Variants in NRK observed in about 807,000 individuals in gnomAD.
The protein encoded by NRK is Nik related kinase.
NRK carries 67 observed loss-of-function variants against 125.2 expected under a neutral mutation model. The ratio of observed to expected loss-of-function variants is 0.54; its 90% confidence interval spans 0.44 to 0.66. NRK has a LOEUF of 0.66. Ranked by LOEUF, NRK falls within the 30% of genes least tolerant of loss-of-function variation. The pLI, the probability that NRK is intolerant of heterozygous loss-of-function variation, is 0.00. For missense variants in NRK, 1,224 were observed against 1,192.9 expected (o/e 1.03, Z -0.38); for synonymous variants, 458 against 429.0 (o/e 1.07, Z -0.84).
chrX:105,840,017 G>A (rs993197545), intron 2 of NRK, among the ~76,000 whole-genome samples: 15 of 111,836 alleles, frequency 1.3e-4, no homozygotes, highest in African/African-American at 3.9e-4. Flanking sequence ...AATAAATTGA[G>A]ACTCAGGGGA....
chrX:105,832,544 CAT>C (rs1377725209), intron 2 of NRK, among the ~76,000 whole-genome samples: 6 of 111,437 alleles, frequency 5.4e-5, no homozygotes, highest in Non-Finnish European at 1.1e-4. Context: ...AGGTCCTCCA[CAT>C]ATAGGTTGTA....
At chrX:105,932,276 C>T (rs1355452566) in intron 19 of NRK, among the ~76,000 whole-genome samples, 7 of 111,660 alleles carry the variant, frequency 6.3e-5, no homozygotes, top group Admixed American at 4.8e-4. Flanking sequence ...TTGTGAAAAG[C>T]GCTGCTGTGA....
At chrX:105,896,203 A>C (rs1301132916) in intron 7 of NRK, among the ~76,000 whole-genome samples, 1 of 112,140 alleles carries the variant, frequency 8.9e-6, no homozygotes, top group Admixed American at 9.5e-5. Flanking sequence ...TGTAAAATAA[A>C]TATCAATAGT....
At chrX:105,822,984 C>A in intron 1 of NRK, 82 bp downstream of exon 1, 1 of 897,753 alleles carries the variant, frequency 1.1e-6, no homozygotes, top group Non-Finnish European at 1.6e-6. Context: ...CGGACGCCCT[C>A]AAAACGGGCT....
rs2040501015 is a variant in NRK, at chrX:105,924,781, G to T, written c.3062G>T (p.Ser1021Ile). ...GAGGAAGCCTACAGAGGCTATGGAA[G>T]CCATACAGCCAATAGAAGCCATGGA... ...GKEEAYRGYG[S>I]HTANRSHGGS... The change falls in exon 19 of 29, where the codon AGC (serine) becomes ATC (isoleucine). Residue 1021 changes from serine to isoleucine, a missense_variant. Ser to Ile is a moderately radical substitution (Grantham distance 142, BLOSUM62 -2). Coordinates refer to ENST00000243300, the MANE Select transcript of NRK (RefSeq NM_198465.4). The T allele has an allele frequency of 4.1e-6, 5 of 1,206,791 alleles. No individual in the cohort carries two copies. In the South Asian group the frequency reaches 8.9e-5, roughly 21 times the overall value.
intron 1 of NRK, among the ~76,000 whole-genome samples, chrX:105,829,863 T>C (rs2039162969): frequency 9.0e-6 from 1 of 111,453 alleles, no homozygotes; most frequent in African/African-American, 3.3e-5. Flanking sequence ...TTAGTGATGG[T>C]ATTTCTTTTT....
chrX:105,929,962 T>G (rs2040574293), intron 19 of NRK, among the ~76,000 whole-genome samples: 2 of 111,821 alleles, frequency 1.8e-5, no homozygotes, highest in African/African-American at 6.5e-5. Flanking sequence ...CAATGAGGAT[T>G]TCCTTATATG....
At chrX:105,923,049 T>G in intron 17 of NRK, 69 bp from the exon 18 acceptor site, 2 of 1,017,669 alleles carry the variant, frequency 2.0e-6, no homozygotes, top group Non-Finnish European at 2.7e-6. Context: ...GTTGTCAGCT[T>G]GGAAACTTTC....
At position 105,822,619 on chromosome X, in the gene NRK, G is replaced by C; in HGVS notation, c.-227G>C. On this transcript the variant is annotated 5_prime_UTR_variant, in exon 1 of 29. Coordinates refer to ENST00000243300, the MANE Select transcript of NRK (RefSeq NM_198465.4). ...ACGCTCAGGCTCCTCTCTCGCCTTA[G>C]CCCAACTTGCTTTCCCGCCTCGCAA... 2.2e-6 allele frequency: 1 copy of C among 452,378 alleles called. No individual in the cohort carries two copies. Among genetic ancestry groups the C allele is most frequent in the East Asian group, 3.9e-5 (1 of 25,875 alleles). 37.3% of individuals were successfully genotyped at this position (452,378 alleles called of 1,213,427 possible). A position where few individuals can be genotyped will look rare whatever the true frequency, so the allele number is the denominator to read the frequency against.
chrX:105,906,960 C>CT (rs1180335353), intron 11 of NRK, among the ~76,000 whole-genome samples: 2 of 109,771 alleles, frequency 1.8e-5, no homozygotes, highest in Non-Finnish European at 3.8e-5. Context: ...GTATATCTTG[C>CT]TTTTTTTTCA....
chrX:105,924,018 A>G (rs1487571547), intron 18 of NRK, among the ~76,000 whole-genome samples: 1 of 105,991 alleles, frequency 9.4e-6, no homozygotes, highest in Non-Finnish European at 1.9e-5. Context: ...TCTATCAAGA[A>G]TTCCATTATG....
chrX:105,900,248 A>T (rs1008642951), intron 8 of NRK, among the ~76,000 whole-genome samples: 4 of 110,223 alleles, frequency 3.6e-5, no homozygotes, highest in African/African-American at 1.3e-4. Flanking sequence ...CTTAGAGTGG[A>T]ATTAAGGCAC....
intron 5 of NRK, among the ~76,000 whole-genome samples, chrX:105,888,898 G>C (rs2147718959): frequency 9.0e-6 from 1 of 111,290 alleles, no homozygotes; most frequent in East Asian, 2.9e-4. Flanking sequence ...CAAGATATTT[G>C]GGTGTGGACA....
chrX:105,955,326 G>A (rs1291950313), intron 28 of NRK, among the ~76,000 whole-genome samples, 179 bp from the exon 29 acceptor site: 3 of 111,898 alleles, frequency 2.7e-5, no homozygotes, highest in African/African-American at 6.5e-5. Flanking sequence ...TTTTAAAAAT[G>A]TATAAATTAG....
intron 1 of NRK, among the ~76,000 whole-genome samples, chrX:105,829,169 A>G (rs1168904511): frequency 8.9e-6 from 1 of 112,085 alleles, no homozygotes; most frequent in Non-Finnish European, 1.9e-5. Context: ...TAGTTAATTA[A>G]TGGTAGAGCT....
intron 6 of NRK, 129 bp from the exon 7 acceptor site, chrX:105,895,304 C>T: frequency 1.8e-6 from 1 of 555,794 alleles, no homozygotes; most frequent in East Asian, 3.4e-5. Flanking sequence ...GTGTCTGAAA[C>T]ATCAAAATTA....
intron 7 of NRK, among the ~76,000 whole-genome samples, chrX:105,896,819 G>C (rs2040090108): frequency 9.0e-6 from 1 of 111,623 alleles, no homozygotes; most frequent in East Asian, 2.8e-4. Flanking sequence ...CTCTAGCCTG[G>C]GTGGCAGAGA....
At chrX:105,895,194 C>T in intron 6 of NRK, 2 of 505,824 alleles carry the variant, frequency 4.0e-6, no homozygotes, top group Non-Finnish European at 7.0e-6. Context: ...TTTTGGTGCT[C>T]TTTTTTTTCG....
At chrX:105,837,428 T>G (rs180897229) in intron 2 of NRK, among the ~76,000 whole-genome samples, 1 of 111,720 alleles carries the variant, frequency 9.0e-6, no homozygotes, top group African/African-American at 3.2e-5. Context: ...TTGTTTTGGT[T>G]AAAGTCTCTC....
Sources: allele counts gnomAD v4.1 joint callset (sites outside exome capture counted in the v4.1 genomes callset), GRCh38; gene constraint gnomAD v4.1.1; transcripts MANE v1.5; gene names NCBI Gene and HGNC (gene_info 2026-07-23, HGNC 2026-07-21).